The following HYCC1 variants were observed in gnomAD, a reference collection of about 807,000 sequenced individuals.
HYCC1 encodes hyccin.
chr7:22,953,985 G>T, the HYCC1 span, among the ~76,000 whole-genome samples: 2 of 151,416 alleles, frequency 1.3e-5, no homozygotes, highest in Non-Finnish European at 3.0e-5. Context: ...TTTAATTGCC[G>T]ATGTAAAAAT....
chr7:22,951,645 C>T, the HYCC1 span, among the ~76,000 whole-genome samples: 1 of 151,734 alleles, frequency 6.6e-6, no homozygotes, highest in African/African-American at 2.4e-5. Context: ...AAAATGTTAT[C>T]TGTATTCATT....
the HYCC1 span, among the ~76,000 whole-genome samples, chr7:22,896,240 A>T: frequency 2.6e-5 from 4 of 152,256 alleles, no homozygotes; most frequent in Non-Finnish European, 5.9e-5. Flanking sequence ...GGACAAAAGG[A>T]TACCATGCCA....
the HYCC1 span, among the ~76,000 whole-genome samples, chr7:22,955,886 A>T: frequency 2.0e-5 from 3 of 151,728 alleles, no homozygotes; most frequent in Non-Finnish European, 4.4e-5. Context: ...TATAGAATTA[A>T]AGCATAATTA....
chr7:22,976,496 T>G, the HYCC1 span, among the ~76,000 whole-genome samples: 1,809 of 152,274 alleles, frequency 0.012, 36 homozygotes, highest in African/African-American at 0.04. Context: ...AACCTGTCTT[T>G]AAAATTCAGT....
At chr7:22,953,224 G>A in the HYCC1 span, among the ~76,000 whole-genome samples, 62,402 of 151,560 alleles carry the variant, frequency 0.41, 12,855 homozygotes, top group East Asian at 0.5. Flanking sequence ...TCATGACCAC[G>A]TAGCACAGAC....
At chr7:22,960,235 G>T in the HYCC1 span, 1 of 1,609,338 alleles carries the variant, frequency 6.2e-7, no homozygotes, top group Non-Finnish European at 8.5e-7. Flanking sequence ...GGTTTGACTT[G>T]AAGAGTTACG....
At chr7:22,974,208 C>T in the HYCC1 span, among the ~76,000 whole-genome samples, 11 of 152,150 alleles carry the variant, frequency 7.2e-5, no homozygotes, top group Non-Finnish European at 1.5e-4. Context: ...GCAAGGAAAG[C>T]TAAACTTATC....
At chr7:23,000,782 G>T in the HYCC1 span, among the ~76,000 whole-genome samples, 1 of 151,930 alleles carries the variant, frequency 6.6e-6, no homozygotes, top group Non-Finnish European at 1.5e-5. Flanking sequence ...ATCCCTCTTA[G>T]AAGGCAACCA....
At chr7:22,954,706 A>G in the HYCC1 span, among the ~76,000 whole-genome samples, 1 of 126,002 alleles carries the variant, frequency 7.9e-6, no homozygotes, top group South Asian at 2.8e-4. Context: ...TGCAGTACTT[A>G]TTTTGCATCA....
the HYCC1 span, chr7:22,944,653 A>T: frequency 6.6e-6 from 1 of 152,302 alleles, no homozygotes; most frequent in African/African-American, 2.4e-5. Flanking sequence ...TACATATTAT[A>T]CAGTGGTATC....
chr7:22,929,646 C>T, the HYCC1 span, among the ~76,000 whole-genome samples: 1 of 152,166 alleles, frequency 6.6e-6, no homozygotes, highest in Non-Finnish European at 1.5e-5. Context: ...CAATGAGATA[C>T]CATCTCACAC....
chr7:22,937,239 T>C, the HYCC1 span: 2 of 151,674 alleles, frequency 1.3e-5, no homozygotes, highest in African/African-American at 4.8e-5. Context: ...CATGATAGGC[T>C]TTCAGTAGGC....
chr7:22,915,902 T>G, the HYCC1 span, among the ~76,000 whole-genome samples: 1 of 152,144 alleles, frequency 6.6e-6, no homozygotes, highest in Non-Finnish European at 1.5e-5. Context: ...TCTGCTTCCC[T>G]GACTATTCCT....
the HYCC1 span, among the ~76,000 whole-genome samples, chr7:22,975,959 A>G: frequency 3.9e-3 from 588 of 152,296 alleles, 6 homozygotes; most frequent in African/African-American, 0.014. Context: ...GGTTCACGCA[A>G]TACTCCCACC....
At chr7:22,935,475 A>T in the HYCC1 span, 1 of 152,184 alleles carries the variant, frequency 6.6e-6, no homozygotes, top group African/African-American at 2.4e-5. Context: ...CCCAGCCCAA[A>T]GCATGGGAAT....
At chr7:22,969,528 T>G in the HYCC1 span, among the ~76,000 whole-genome samples, 7 of 145,908 alleles carry the variant, frequency 4.8e-5, no homozygotes, top group African/African-American at 1.5e-4. Context: ...TTTTTTGGTT[T>G]TTTTTTTTTT....
At chr7:22,926,560 C>A in the HYCC1 span, among the ~76,000 whole-genome samples, 110 of 152,122 alleles carry the variant, frequency 7.2e-4, no homozygotes, top group Admixed American at 1.9e-3. Context: ...AGACTTTAAA[C>A]CAACAAAGAT....
chr7:22,944,156 G>C, the HYCC1 span: 6 of 152,292 alleles, frequency 3.9e-5, no homozygotes, highest in East Asian at 1.2e-3. Context: ...CCGCTGTGCA[G>C]TCACAGTGAA....
chr7:22,984,581 G>C, the HYCC1 span, among the ~76,000 whole-genome samples: 1 of 152,114 alleles, frequency 6.6e-6, no homozygotes, highest in African/African-American at 2.4e-5. Flanking sequence ...AATTAGCTGG[G>C]CATGGTGGCA....
Sources: gnomAD v4.1 joint callset for allele counts (sites outside exome capture counted in the v4.1 genomes callset) on GRCh38, gnomAD v4.1.1 for gene constraint, MANE v1.5 for transcripts, NCBI Gene and HGNC (gene_info 2026-07-23, HGNC 2026-07-21) for gene names.